The following TTC17 variants were observed in gnomAD, a reference collection of about 807,000 sequenced individuals.
TTC17 encodes tetratricopeptide repeat protein 17.
In TTC17, 58 loss-of-function variants were observed where a neutral mutation model predicts 143.8. The ratio of observed to expected loss-of-function variants is 0.40; its 90% confidence interval spans 0.33 to 0.50. The LOEUF (loss-of-function observed/expected upper bound fraction) is 0.50, where lower values mean the gene tolerates loss of function less well. Ranked by LOEUF, TTC17 falls within the 20% of genes least tolerant of loss-of-function variation. TTC17 has a pLI of 0.49. For synonymous variants in TTC17, 501 were observed against 497.8 expected (o/e 1.01, Z -0.09); for missense variants, 1,273 against 1,392.5 (o/e 0.91, Z 1.37).
At chr11:43,367,719 T>A (rs1416509246) in intron 1 of TTC17, among the ~76,000 whole-genome samples, 1 of 144,506 alleles carries the variant, frequency 6.9e-6, no homozygotes, top group Non-Finnish European at 1.5e-5. Context: ...AATGTCTGTG[T>A]GTGTGTGTGT....
Position 43,391,993 on chromosome 11 carries a change from G to A in TTC17, c.663+41G>A, listed in dbSNP as rs1857409060. The A allele has an allele frequency of 3.2e-6, 5 of 1,565,198 alleles. No individual in the cohort carries two copies. The East Asian group carries it at 1.1e-4, about 36-fold the overall frequency. The stretch of plus-strand genomic sequence containing the variant: ...CTTAAAGAGCCAGCGGGCTGAGCCA[G>A]CGGGCTCTGTGTAAACAGAAGATAT... On this transcript the variant is annotated intron_variant, in intron 5 of 23. Coordinates refer to ENST00000039989, the MANE Select transcript of TTC17 (RefSeq NM_018259.6).
rs1239862083 is a variant in TTC17 at position 43,448,052 on chromosome 11, C to T, written c.2716C>T (p.Leu906Phe). ...GGGATGGCCCAGCCCGGACGAATGC[C>T]TCAAACTCCGCTGGGTAGAGCTGAC... ...RLGWPSPDEC[L>F]KLRWVELTAI... Residue 906 changes from leucine to phenylalanine, a missense_variant, in exon 19 of 24, where the codon CTC (leucine) becomes TTC (phenylalanine). Leu to Phe is a conservative substitution (Grantham distance 22). Around this residue, in one of 3 missense-constraint regions of TTC17, gnomAD observed 878 missense variants for 899.8 expected, o/e 0.98. Coordinates refer to ENST00000039989, the MANE Select transcript of TTC17 (RefSeq NM_018259.6). The T allele has an allele frequency of 6.2e-7, 1 of 1,614,162 alleles. No homozygotes were observed. Among genetic ancestry groups the T allele is most frequent in the African/African-American group, 1.3e-5 (1 of 75,066 alleles).
chr11:43,450,363 G>A (rs1424347340), intron 20 of TTC17, 122 bp downstream of exon 20: 8 of 1,202,454 alleles, frequency 6.7e-6, no homozygotes, highest in Non-Finnish European at 7.8e-6. Context: ...TTTCAGTTAG[G>A]CATCACCTAG....
At chr11:43,429,660 A>C (rs1947108602) in intron 16 of TTC17, among the ~76,000 whole-genome samples, 1 of 152,220 alleles carries the variant, frequency 6.6e-6, no homozygotes, top group Non-Finnish European at 1.5e-5. Context: ...ATAAAAGGAA[A>C]CAGTCACCAT....
In TTC17 at chr11:43,407,106, C is replaced by A. The variant is rs371612451; in HGVS notation, c.1762-32C>A. 1.0e-5 allele frequency: 15 copies of A among 1,451,008 alleles called. No homozygotes were observed. The African/African-American group carries it at 2.1e-4, about 21-fold the overall frequency. The allele number at this position is 1,451,008 out of a possible 1,614,324, so 89.9% of individuals were successfully genotyped here. On this transcript the variant is annotated intron_variant, in intron 13 of 23. Coordinates refer to ENST00000039989, the MANE Select transcript of TTC17 (RefSeq NM_018259.6). ...TTTCAAATGTCTTCCCTGTTATTTT[C>A]AATTGAGTCAGTCTTCCTTTTGATG...
intron 16 of TTC17, among the ~76,000 whole-genome samples, chr11:43,426,620 T>C (rs1356037339): frequency 6.6e-6 from 1 of 152,226 alleles, no homozygotes; most frequent in Non-Finnish European, 1.5e-5. Flanking sequence ...ATATCATACT[T>C]GCTACCTCTA....
chr11:43,456,080 A>G (rs554228594), intron 21 of TTC17, among the ~76,000 whole-genome samples: 1 of 152,262 alleles, frequency 6.6e-6, no homozygotes, highest in Non-Finnish European at 1.5e-5. Flanking sequence ...TAGAGGGGAA[A>G]AAATCATATA....
At chr11:43,480,213 G>A (rs1326006887) in intron 21 of TTC17, among the ~76,000 whole-genome samples, 1 of 152,170 alleles carries the variant, frequency 6.6e-6, no homozygotes, top group Admixed American at 6.5e-5. Flanking sequence ...TCAGCAAATG[G>A]TTAGTAGAAG....
At chr11:43,487,886 C>T (rs1016279653) in intron 21 of TTC17, among the ~76,000 whole-genome samples, 1 of 152,154 alleles carries the variant, frequency 6.6e-6, no homozygotes, top group Admixed American at 6.5e-5. Context: ...CACACAGGAC[C>T]CTGGTGTGTC....
chr11:43,463,250 T>C (rs545687760), intron 21 of TTC17, among the ~76,000 whole-genome samples: 1 of 152,170 alleles, frequency 6.6e-6, no homozygotes, highest in South Asian at 2.1e-4. Context: ...GGAAGGAACA[T>C]TTATCATATG....
intron 21 of TTC17, among the ~76,000 whole-genome samples, chr11:43,472,275 T>G (rs960441135): frequency 3.3e-5 from 5 of 152,124 alleles, no homozygotes; most frequent in African/African-American, 4.8e-5. Flanking sequence ...CCTAGGAGTT[T>G]GAGGCTGCAG....
chr11:43,476,020 A>C (rs922775089), intron 21 of TTC17, among the ~76,000 whole-genome samples: 9 of 152,244 alleles, frequency 5.9e-5, no homozygotes, highest in Non-Finnish European at 1.2e-4. Flanking sequence ...TTTAAAATAC[A>C]AAGTTCCTAG....
At chr11:43,367,939 A>G (rs1045400457) in intron 1 of TTC17, among the ~76,000 whole-genome samples, 4 of 152,078 alleles carry the variant, frequency 2.6e-5, no homozygotes, top group African/African-American at 4.8e-5. Flanking sequence ...TTACTCAGCT[A>G]TTTTCTTACA....
At chr11:43,362,677 C>G (rs575724512) in intron 1 of TTC17, among the ~76,000 whole-genome samples, 2 of 152,164 alleles carry the variant, frequency 1.3e-5, no homozygotes, top group Admixed American at 1.3e-4. Context: ...TGGTTACTCC[C>G]ATGCATTGCA....
chr11:43,389,180 A>G (rs1040426131), intron 2 of TTC17, among the ~76,000 whole-genome samples: 5 of 151,882 alleles, frequency 3.3e-5, no homozygotes, highest in Non-Finnish European at 7.4e-5. Flanking sequence ...AAATATTGGC[A>G]TATGATAGAT....
intron 10 of TTC17, 68 bp from the exon 11 acceptor site, chr11:43,403,930 G>A: frequency 7.3e-7 from 1 of 1,377,682 alleles, no homozygotes; most frequent in Non-Finnish European, 9.8e-7. Flanking sequence ...TTTTTGGTGT[G>A]AGTTAAATTA....
intron 15 of TTC17, among the ~76,000 whole-genome samples, chr11:43,410,404 C>A (rs1858355389): frequency 6.6e-6 from 1 of 151,982 alleles, no homozygotes; most frequent in African/African-American, 2.4e-5. Flanking sequence ...TTTTTGTTTT[C>A]TATGGCTTAA....
At chr11:43,486,426 C>T (rs377586849) in intron 21 of TTC17, 230 of 452,190 alleles carry the variant, frequency 5.1e-4, no homozygotes, top group African/African-American at 4.2e-3. Flanking sequence ...GCATCCACCG[C>T]GGGTCTTGGA....
intron 2 of TTC17, among the ~76,000 whole-genome samples, chr11:43,387,148 A>T (rs1857199785): frequency 6.6e-6 from 1 of 152,262 alleles, no homozygotes; most frequent in African/African-American, 2.4e-5. Flanking sequence ...TTAAACAGTT[A>T]ATTCACAAAA....
Sources: gnomAD v4.1 joint callset for allele counts (sites outside exome capture counted in the v4.1 genomes callset) on GRCh38, gnomAD v4.1.1 for gene constraint, gnomAD v4.1.1 regional missense constraint, MANE v1.5 for transcripts, NCBI Gene and HGNC (gene_info 2026-07-23, HGNC 2026-07-21) for gene names.